The following PIK3CA variants were observed in gnomAD, a reference collection of about 807,000 sequenced individuals.
PIK3CA encodes phosphatidylinositol-4,5-bisphosphate 3-kinase catalytic subunit alpha, also known as phosphatidylinositol 4,5-bisphosphate 3-kinase catalytic subunit alpha isoform.
PIK3CA carries 27 observed loss-of-function variants against 138.2 expected under a neutral mutation model. The observed-to-expected ratio is 0.20, with a 90% confidence interval of 0.14 to 0.27. The LOEUF (loss-of-function observed/expected upper bound fraction) is 0.27, where lower values mean the gene tolerates loss of function less well. Among genes scored for constraint, PIK3CA ranks in the 10% least tolerant of loss-of-function variants. The pLI is 1.00. For synonymous variants in PIK3CA, 358 were observed against 413.2 expected (o/e 0.87, Z 1.62); for missense variants, 544 against 1,277.4 (o/e 0.43, Z 8.75).
intron 6 of PIK3CA, among the ~76,000 whole-genome samples, chr3:179,206,297 A>G (rs901392503): frequency 6.6e-6 from 1 of 151,818 alleles, no homozygotes; most frequent in African/African-American, 2.4e-5. Flanking sequence ...ACCTCAGGTG[A>G]TCCCACCCAC....
intron 1 of PIK3CA, among the ~76,000 whole-genome samples, chr3:179,174,977 C>T (rs1229091895): frequency 3.3e-5 from 5 of 152,198 alleles, no homozygotes; most frequent in African/African-American, 4.8e-5. Flanking sequence ...TAATATCCTT[C>T]ATAGAGCCTT....
intron 1 of PIK3CA, among the ~76,000 whole-genome samples, chr3:179,188,791 A>T (rs1450601024): frequency 6.6e-6 from 1 of 152,232 alleles, no homozygotes; most frequent in Admixed American, 6.5e-5. Flanking sequence ...CGTTTTCCAC[A>T]TTAAGTACAT....
Position 179,203,679 on chromosome 3 carries a change from T to C in PIK3CA, c.949T>C (p.Tyr317His), listed in dbSNP as rs1328531232. 6.2e-7 allele frequency: 1 copy of C among 1,613,844 alleles called. No homozygotes were observed. The highest frequency in any genetic ancestry group is 1.7e-5 in the Admixed American group (1 of 60,014). The change falls in exon 5 of 21, where the codon TAT becomes CAT. Residue 317 changes from tyrosine (Y) to histidine (H), a missense_variant. Coordinates refer to ENST00000263967, the MANE Select transcript of PIK3CA (RefSeq NM_006218.4). ...CAGACGCATTTCCACAGCTACACCA[T>C]ATATGAATGGAGAAACATCTACAAA... ...YSRRISTATP[Y>H]MNGETSTKSL...
intron 1 of PIK3CA, among the ~76,000 whole-genome samples, chr3:179,171,694 A>T (rs931023304): frequency 3.9e-5 from 6 of 152,302 alleles, no homozygotes; most frequent in African/African-American, 1.2e-4. Flanking sequence ...CTCCAAAAGA[A>T]GTAGAAAATC....
Position 179,229,353 on chromosome 3 carries a change from A to G in PIK3CA, c.2577A>G (p.Gln859=). The part of the protein sequence containing the change: ...EVVRNSHTIM[Q]IQCKGGLKGA... ...TGCGAAATTCTCACACTATTATGCA[A>G]ATTCAGTGCAAAGGCGGCTTGAAAG... Residue 859 remains glutamine, a synonymous_variant, in exon 18 of 21, where the codon CAA becomes CAG. Coordinates refer to ENST00000263967, the MANE Select transcript of PIK3CA (RefSeq NM_006218.4). The G allele has an allele frequency of 6.2e-7, 1 of 1,613,388 alleles. No individual in the cohort carries two copies. The highest frequency in any genetic ancestry group is 8.5e-7 in the Non-Finnish European group (1 of 1,179,582).
In PIK3CA at chr3:179,219,809, T is replaced by TA. The variant is rs1724924766; in HGVS notation, c.1911+80dup. The stretch of plus-strand genomic sequence containing the variant: ...ATTCTAGATCCATACAACTTCCTTT[T>TA]AAAAAACCTACTGCACTAACTAGTT... On this transcript the variant is annotated intron_variant, in intron 12 of 20. Coordinates refer to ENST00000263967, the MANE Select transcript of PIK3CA (RefSeq NM_006218.4). The surrounding 1 kb of genome is among the most constrained non-coding windows in gnomAD (Gnocchi z 4.2). 6 of 1,434,608 alleles carry TA rather than the reference T, an allele frequency of 4.2e-6. No homozygotes were observed. Among genetic ancestry groups the TA allele is most frequent in the African/African-American group, 2.9e-5 (2 of 69,370 alleles). 88.9% of individuals were successfully genotyped at this position (1,434,608 alleles called of 1,614,324 possible).
At chr3:179,171,833 A>C (rs1033978443) in intron 1 of PIK3CA, among the ~76,000 whole-genome samples, 38 of 152,230 alleles carry the variant, frequency 2.5e-4, no homozygotes, top group Non-Finnish European at 5.4e-4. Flanking sequence ...TACAAGTCCC[A>C]ACCACATTTT....
chr3:179,161,400 A>C (rs1017809696), intron 1 of PIK3CA, among the ~76,000 whole-genome samples: 2 of 152,168 alleles, frequency 1.3e-5, no homozygotes, highest in Admixed American at 6.5e-5. Flanking sequence ...AGAAAGAAAC[A>C]TAAATAACAG....
chr3:179,211,551 C>T (rs113624005), intron 9 of PIK3CA, among the ~76,000 whole-genome samples: 5,175 of 152,252 alleles, frequency 0.034, 96 homozygotes, highest in Non-Finnish European at 0.046. Context: ...CCTGTAATCC[C>T]AGCTACTCGG....
intron 1 of PIK3CA, among the ~76,000 whole-genome samples, chr3:179,197,684 T>C (rs1206045145): frequency 6.6e-6 from 1 of 152,228 alleles, no homozygotes; most frequent in African/African-American, 2.4e-5. Context: ...ATATAGTAGG[T>C]TATCTGGGCC....
At chr3:179,151,170 A>C (rs995342088) in intron 1 of PIK3CA, among the ~76,000 whole-genome samples, 12 of 152,224 alleles carry the variant, frequency 7.9e-5, no homozygotes, top group African/African-American at 1.2e-4. Context: ...ACAGTTATCA[A>C]ATAGTTTTTC....
Position 179,234,792 on chromosome 3 carries a change from A to AT in PIK3CA, c.*428_*429insT, listed in dbSNP as rs1725297740. ...AAAGGCTGTTATTGCATTAGGTGTA[A>AT]GTAAACTGGAGTTTATGTTAAATTA... is the stretch of plus-strand genomic sequence containing the variant. On this transcript the variant is annotated 3_prime_UTR_variant, in exon 21 of 21. Transcript: ENST00000263967. This position sits in a 1 kb window ranked among gnomAD's most constrained non-coding sequence, Gnocchi z 5.1. 1 of 233,384 alleles carries AT rather than the reference A, an allele frequency of 4.3e-6. No individual in the cohort carries two copies. The highest frequency in any genetic ancestry group is 1.8e-4 in the South Asian group (1 of 5,532). 14.5% of individuals were successfully genotyped at this position (233,384 alleles called of 1,614,324 possible). A position where few individuals can be genotyped will look rare whatever the true frequency, so the allele number is the denominator to read the frequency against.
intron 1 of PIK3CA, among the ~76,000 whole-genome samples, chr3:179,178,703 CACTT>C (rs1321477660): frequency 2.0e-5 from 3 of 152,152 alleles, no homozygotes; most frequent in African/African-American, 7.2e-5. Context: ...ATGGCTCTAT[CACTT>C]ACTACAATGA....
intron 1 of PIK3CA, among the ~76,000 whole-genome samples, chr3:179,159,938 A>G (rs1384546063): frequency 6.6e-6 from 1 of 152,204 alleles, no homozygotes; most frequent in Non-Finnish European, 1.5e-5. Context: ...GAAAAGGTAC[A>G]GTAAAATACG....
intron 1 of PIK3CA, among the ~76,000 whole-genome samples, chr3:179,180,408 C>G (rs1189036901): frequency 1.3e-5 from 2 of 152,044 alleles, no homozygotes; most frequent in Non-Finnish European, 2.9e-5. Context: ...TGTTTTTCTC[C>G]TCCTTTCCTT....
intron 1 of PIK3CA, chr3:179,149,646 G>A (rs1185350659): frequency 6.6e-6 from 1 of 152,206 alleles, no homozygotes; most frequent in African/African-American, 2.4e-5. Context: ...GCACATGCAG[G>A]ACCTGGGTTT....
chr3:179,152,657 AG>A (rs1325636709), intron 1 of PIK3CA, among the ~76,000 whole-genome samples: 1 of 152,196 alleles, frequency 6.6e-6, no homozygotes, highest in Non-Finnish European at 1.5e-5. Flanking sequence ...CTTTCTCCTT[AG>A]GAAGTGTTAG....
rs1380299010 is a variant in PIK3CA at position 179,187,556 on chromosome 3, A to AG, written c.-76-11194_-76-11193insG. Among the ~76,000 whole-genome samples, 33 of 150,398 alleles carry AG rather than the reference A, an allele frequency of 2.2e-4. No individual in the cohort carries two copies. The East Asian group carries it at 4.7e-3, about 22-fold the overall frequency. ...CCGCCTCAAAAAAAAAAAAAAAAAA[A>AG]AGAGAGAAACGGATCCTTTATTGAA... On this transcript the variant is annotated intron_variant, in intron 1 of 20. Coordinates refer to ENST00000263967, the MANE Select transcript of PIK3CA (RefSeq NM_006218.4).
intron 9 of PIK3CA, among the ~76,000 whole-genome samples, chr3:179,217,618 A>G (rs1293561304): frequency 1.3e-5 from 2 of 151,994 alleles, no homozygotes; most frequent in African/African-American, 2.4e-5. Flanking sequence ...TAATATATCT[A>G]TATTTGCAGG....
Sources: allele counts gnomAD v4.1 joint callset (sites outside exome capture counted in the v4.1 genomes callset), GRCh38; gene constraint gnomAD v4.1.1; non-coding constraint Gnocchi (gnomAD v3.1); transcripts MANE v1.5; gene names NCBI Gene and HGNC (gene_info 2026-07-23, HGNC 2026-07-21).